Variants in TOX observed in about 807,000 individuals in gnomAD.
TOX encodes thymocyte selection associated high mobility group box.
TOX carries 11 observed loss-of-function variants against 53.7 expected under a neutral mutation model. That is an observed-to-expected ratio of 0.20 (90% CI 0.13 to 0.34). The LOEUF (loss-of-function observed/expected upper bound fraction) is 0.34. Among genes scored for constraint, TOX ranks in the 10% least tolerant of loss-of-function variants. The pLI is 1.00. For missense variants in TOX, 570 were observed against 664.6 expected (o/e 0.86, Z 1.56); for synonymous variants, 225 against 245.3 (o/e 0.92, Z 0.77).
At chr8:59,095,770 G>A (rs1804702685) in intron 1 of TOX, among the ~76,000 whole-genome samples, 1 of 152,190 alleles carries the variant, frequency 6.6e-6, no homozygotes, top group Non-Finnish European at 1.5e-5. Context: ...AAACAGGTTT[G>A]CATTTCTGTG....
chr8:58,889,840 A>G (rs1431010850), intron 3 of TOX, among the ~76,000 whole-genome samples: 1 of 152,146 alleles, frequency 6.6e-6, no homozygotes. Flanking sequence ...CAGAAAGTGC[A>G]TTATTAGTTG....
chr8:59,110,223 C>T lies in TOX; in HGVS notation c.102+8663G>A, dbSNP rs567269602. Reference sequence around the variant, plus strand: ...TTTGATATTAAGCTTCTACTATCTGCAGGTTTCTATGATTAATGTTCATGA... The same window carrying T: ...TTTGATATTAAGCTTCTACTATCTGTAGGTTTCTATGATTAATGTTCATGA... On this transcript the variant is annotated intron_variant, in intron 1 of 8. Coordinates refer to ENST00000361421, the MANE Select transcript of TOX (RefSeq NM_014729.3). 6.6e-5 allele frequency among the ~76,000 whole-genome samples: 10 copies of T among 152,182 alleles called. No individual in the cohort carries two copies. In the South Asian group the frequency reaches 1.7e-3, roughly 25 times the overall value.
intron 3 of TOX, among the ~76,000 whole-genome samples, chr8:58,898,464 C>A (rs1811685797): frequency 7.4e-6 from 1 of 134,380 alleles, no homozygotes; most frequent in South Asian, 2.3e-4. Context: ...TTCTACAAAA[C>A]ATCCGGTTTA....
chr8:59,021,819 C>A (rs1265891808), intron 1 of TOX, among the ~76,000 whole-genome samples: 2 of 152,022 alleles, frequency 1.3e-5, no homozygotes, highest in Non-Finnish European at 2.9e-5. Flanking sequence ...TTCATACCAT[C>A]TTTTTATTAA....
At chr8:58,878,593 A>C (rs754791941) in intron 3 of TOX, among the ~76,000 whole-genome samples, 1 of 152,070 alleles carries the variant, frequency 6.6e-6, no homozygotes, top group Non-Finnish European at 1.5e-5. Context: ...GGTGTAACAC[A>C]CTCAGCTTCA....
intron 1 of TOX, among the ~76,000 whole-genome samples, chr8:58,978,920 G>C (rs1813154550): frequency 6.6e-6 from 1 of 152,128 alleles, no homozygotes; most frequent in African/African-American, 2.4e-5. Flanking sequence ...ATGCTAAGAG[G>C]ATTCTTTTCA....
chr8:58,900,444 A>G (rs1020834553), intron 3 of TOX, among the ~76,000 whole-genome samples: 3 of 152,158 alleles, frequency 2.0e-5, no homozygotes, highest in Non-Finnish European at 4.4e-5. Flanking sequence ...GAAGATGAGT[A>G]GCCAAAAAAA....
intron 3 of TOX, among the ~76,000 whole-genome samples, chr8:58,876,991 T>C (rs1425652175): frequency 6.6e-6 from 1 of 152,180 alleles, no homozygotes; most frequent in Non-Finnish European, 1.5e-5. Flanking sequence ...TAATTTAGCT[T>C]TGAAGTGAAC....
chr8:59,002,252 G>A (rs1189613252), intron 1 of TOX, among the ~76,000 whole-genome samples: 2 of 147,650 alleles, frequency 1.4e-5, no homozygotes, highest in Admixed American at 1.3e-4. Flanking sequence ...GGGATTACAG[G>A]TGTGAGCCAC....
At chr8:58,885,036 T>A (rs1250880857) in intron 3 of TOX, among the ~76,000 whole-genome samples, 2 of 152,156 alleles carry the variant, frequency 1.3e-5, no homozygotes, top group African/African-American at 4.8e-5. Context: ...AGGTACTATT[T>A]GTCTTCCAGA....
intron 3 of TOX, among the ~76,000 whole-genome samples, chr8:58,857,168 T>C (rs1016474199): frequency 9.2e-5 from 14 of 152,220 alleles, no homozygotes; most frequent in Non-Finnish European, 2.1e-4. Flanking sequence ...GAATTGATGA[T>C]GCCAGCTTCA....
At chr8:59,021,497 T>TATATATAC (rs1554539866) in intron 1 of TOX, among the ~76,000 whole-genome samples, 1 of 110,024 alleles carries the variant, frequency 9.1e-6, no homozygotes, top group African/African-American at 3.0e-5. Flanking sequence ...TATATATATA[T>TATATATAC]ATGCACATAT....
intron 8 of TOX, 53 bp downstream of exon 8, chr8:58,808,065 T>C: frequency 2.6e-6 from 4 of 1,567,200 alleles, no homozygotes; most frequent in Non-Finnish European, 3.5e-6. Context: ...CTAGGGACGA[T>C]ATGCATGCTA....
chr8:58,998,536 T>TATATAATAAATTTATATGTA (rs1554537360), intron 1 of TOX, among the ~76,000 whole-genome samples: 17 of 37,744 alleles, frequency 4.5e-4, no homozygotes, highest in African/African-American at 1.7e-3. Context: ...TATATATATA[T>TATATAATAAATTTATATGTA]ATAAATTTAT....
chr8:59,008,138 T>C (rs1474938575), intron 1 of TOX, among the ~76,000 whole-genome samples: 1 of 152,246 alleles, frequency 6.6e-6, no homozygotes, highest in Admixed American at 6.5e-5. Context: ...CAGTTTTTCT[T>C]GGAATGATTG....
chr8:58,928,328 A>G (rs1812199212), intron 3 of TOX, among the ~76,000 whole-genome samples: 1 of 152,244 alleles, frequency 6.6e-6, no homozygotes, highest in Non-Finnish European at 1.5e-5. Context: ...ACCGCACACA[A>G]GAAAAAATCC....
intron 2 of TOX, among the ~76,000 whole-genome samples, chr8:58,953,360 T>C (rs75058935): frequency 0.017 from 2,644 of 152,246 alleles, 67 homozygotes; most frequent in African/African-American, 0.059. Context: ...AAAACAGACT[T>C]CCATGTAAGA....
chr8:59,074,888 G>C (rs73684881), intron 1 of TOX, among the ~76,000 whole-genome samples: 1 of 152,118 alleles, frequency 6.6e-6, no homozygotes, highest in African/African-American at 2.4e-5. Flanking sequence ...AGAGAAAATA[G>C]GCAGCCACTA....
At chr8:59,078,235 T>C (rs562027395) in intron 1 of TOX, among the ~76,000 whole-genome samples, 42 of 152,280 alleles carry the variant, frequency 2.8e-4, no homozygotes, top group African/African-American at 1.0e-3. Flanking sequence ...CCTGTGCAAG[T>C]ATCTGCTAGG....
Sources: gnomAD v4.1 joint callset for allele counts (sites outside exome capture counted in the v4.1 genomes callset) on GRCh38, gnomAD v4.1.1 for gene constraint, MANE v1.5 for transcripts, NCBI Gene and HGNC (gene_info 2026-07-23, HGNC 2026-07-21) for gene names.